Variants in LRRIQ3 observed in about 807,000 individuals in gnomAD.
The protein encoded by LRRIQ3 is leucine-rich repeat and IQ domain-containing protein 3.
A neutral mutation model predicts 59.3 loss-of-function variants in LRRIQ3; 75 were observed. The ratio of observed to expected loss-of-function variants is 1.26; its 90% CI spans 1.05 to 1.53. LRRIQ3 has a LOEUF of 1.53. Among genes scored for constraint, LRRIQ3 ranks in the 40% most tolerant of loss-of-function variants. The pLI is 0.00. For synonymous variants in LRRIQ3, 250 were observed against 231.3 expected (o/e 1.08, Z -0.73); for missense variants, 831 against 710.0 (o/e 1.17, Z -1.94).
intron 6 of LRRIQ3, among the ~76,000 whole-genome samples, chr1:74,060,221 G>GTTC (rs773201991): frequency 0.028 from 1,512 of 53,590 alleles, 37 homozygotes; most frequent in African/African-American, 0.055. Context: ...TCTTCTTCTT[G>GTTC]TTCTTCTTCT....
chr1:74,048,707 G>T, intron 6 of LRRIQ3, among the ~76,000 whole-genome samples: 1 of 151,902 alleles, frequency 6.6e-6, no homozygotes, highest in Non-Finnish European at 1.5e-5. Flanking sequence ...GTGTTTGAGA[G>T]TTGTTTTCCA....
At chr1:74,165,103 A>T (rs1355676571) in intron 3 of LRRIQ3, among the ~76,000 whole-genome samples, 1 of 151,264 alleles carries the variant, frequency 6.6e-6, no homozygotes, top group East Asian at 1.9e-4. Flanking sequence ...GATGCATCCC[A>T]CTTTTTTCTT....
intron 1 of LRRIQ3, among the ~76,000 whole-genome samples, chr1:74,186,568 T>G (rs1026534063): frequency 5.3e-5 from 8 of 152,148 alleles, no homozygotes; most frequent in African/African-American, 1.9e-4. Context: ...GTTCAAATAT[T>G]TTTCTACATA....
Position 74,165,928 on chromosome 1 carries a change from T to C in LRRIQ3, c.574-10062A>G, listed in dbSNP as rs138061686. On this transcript the variant is annotated intron_variant, in intron 3 of 7. Coordinates refer to ENST00000354431, the MANE Select transcript of LRRIQ3 (RefSeq NM_001105659.2). ...CCCTATACTTGGTCCCACTTGATCA[T>C]AGTATATATTTTTATATACTGCTGA... Among the ~76,000 whole-genome samples the C allele has an allele frequency of 3.2e-3, 489 of 151,726 alleles. 4 individuals are homozygous for C. The highest frequency in any genetic ancestry group is 0.011 in the African/African-American group (450 of 41,498).
At chr1:74,158,807 AC>A (rs1489285539) in intron 3 of LRRIQ3, among the ~76,000 whole-genome samples, 1 of 152,124 alleles carries the variant, frequency 6.6e-6, no homozygotes, top group African/African-American at 2.4e-5. Flanking sequence ...CCTGACACAG[AC>A]CTTACAAATT....
At chr1:74,159,629 T>C (rs975047717) in intron 3 of LRRIQ3, among the ~76,000 whole-genome samples, 8 of 152,158 alleles carry the variant, frequency 5.3e-5, no homozygotes, top group Non-Finnish European at 8.8e-5. Flanking sequence ...TTCATCTTTC[T>C]TGGCTAACTC....
intron 3 of LRRIQ3, among the ~76,000 whole-genome samples, chr1:74,174,207 C>CT (rs956770884): frequency 4.0e-5 from 6 of 151,622 alleles, no homozygotes; most frequent in South Asian, 2.1e-4. Context: ...TTTCTTCACA[C>CT]TTTTTTTTTC....
At chr1:74,182,389 A>G in intron 3 of LRRIQ3, 149 bp downstream of exon 3, 1 of 416,034 alleles carries the variant, frequency 2.4e-6, no homozygotes. Context: ...AGATAGAAAG[A>G]CATTACAAAT....
intron 1 of LRRIQ3, among the ~76,000 whole-genome samples, chr1:74,191,520 C>G (rs1403533929): frequency 6.6e-6 from 1 of 151,984 alleles, no homozygotes; most frequent in Middle Eastern, 3.2e-3. Context: ...CATTCACTCA[C>G]CAAGACAGAC....
intron 5 of LRRIQ3, among the ~76,000 whole-genome samples, chr1:74,079,420 G>A (rs1017965956): frequency 3.3e-5 from 5 of 151,682 alleles, no homozygotes; most frequent in African/African-American, 1.2e-4. Context: ...AATGTGCATG[G>A]CTAGCTCCTT....
At chr1:74,146,565 T>C (rs1647584688) in intron 4 of LRRIQ3, among the ~76,000 whole-genome samples, 1 of 152,172 alleles carries the variant, frequency 6.6e-6, no homozygotes, top group African/African-American at 2.4e-5. Context: ...TTTCATAACT[T>C]TGCTATGAAA....
rs148456904 is a variant in LRRIQ3 at position 74,183,578 on chromosome 1, T to C, written c.107A>G (p.Asn36Ser). 111 of 1,612,036 alleles carry C rather than the reference T, an allele frequency of 6.9e-5. 1 individual carries two copies. Among genetic ancestry groups the C allele is most frequent in the Middle Eastern group, 6.6e-4 (4 of 6,074 alleles). Reference protein sequence around the residue: ...GQKDFVFVKFNGLHLKSMENL... With the variant: ...GQKDFVFVKFSGLHLKSMENL... ...TTCCATAGACTTTAAATGAAGGCCA[T>C]TGAACTTCACAAAAACAAAATCTTT... Residue 36 changes from asparagine to serine, a missense_variant, in exon 2 of 8, where the codon AAT (asparagine) becomes AGT (serine). Physicochemically the swap from Asn to Ser is conservative, Grantham distance 46. Transcript: ENST00000354431.
chr1:74,176,431 G>T (rs1044398126), intron 3 of LRRIQ3, among the ~76,000 whole-genome samples: 1 of 151,822 alleles, frequency 6.6e-6, no homozygotes, highest in African/African-American at 2.4e-5. Flanking sequence ...GATATTTTTT[G>T]GCATTGGATT....
At chr1:74,078,819 G>A (rs1478291918) in intron 5 of LRRIQ3, 1 of 151,618 alleles carries the variant, frequency 6.6e-6, no homozygotes, top group Non-Finnish European at 1.5e-5. Context: ...AAAGATAAAG[G>A]GAGATTCAGA....
intron 4 of LRRIQ3, among the ~76,000 whole-genome samples, chr1:74,148,665 G>A (rs965678004): frequency 3.9e-5 from 6 of 152,160 alleles, no homozygotes; most frequent in African/African-American, 7.2e-5. Context: ...TAAAGTACTC[G>A]TGAGATAACG....
intron 4 of LRRIQ3, among the ~76,000 whole-genome samples, chr1:74,111,886 T>TA (rs1426770763): frequency 6.6e-6 from 1 of 152,056 alleles, no homozygotes; most frequent in Admixed American, 6.6e-5. Flanking sequence ...TGCATAAATT[T>TA]ATCTCACATC....
chr1:74,134,081 G>A (rs956722388), intron 4 of LRRIQ3, among the ~76,000 whole-genome samples: 4 of 151,900 alleles, frequency 2.6e-5, no homozygotes, highest in Non-Finnish European at 4.4e-5. Flanking sequence ...ATTGGAGTAA[G>A]AGTATCTGAT....
chr1:74,132,644 G>C (rs1647045054), intron 4 of LRRIQ3, among the ~76,000 whole-genome samples: 1 of 152,084 alleles, frequency 6.6e-6, no homozygotes, highest in Non-Finnish European at 1.5e-5. Flanking sequence ...ATGGTGCTGG[G>C]GAAACTGGCT....
chr1:74,063,074 C>T (rs1401789058), intron 6 of LRRIQ3, among the ~76,000 whole-genome samples: 1 of 148,510 alleles, frequency 6.7e-6, no homozygotes, highest in African/African-American at 2.5e-5. Flanking sequence ...CAAAACAAAA[C>T]AAAAAAAATC....
Sources: allele counts gnomAD v4.1 joint callset (sites outside exome capture counted in the v4.1 genomes callset), GRCh38; gene constraint gnomAD v4.1.1; transcripts MANE v1.5; gene names NCBI Gene and HGNC (gene_info 2026-07-23, HGNC 2026-07-21).